Variants in PNPLA7 observed in about 807,000 individuals in gnomAD.
PNPLA7 encodes patatin like domain 7, lysophospholipase, also known as patatin-like phospholipase domain-containing protein 7.
A neutral mutation model predicts 161.7 loss-of-function variants in PNPLA7; 153 were observed. The ratio of observed to expected loss-of-function variants is 0.95; its 90% CI spans 0.83 to 1.08. The LOEUF (loss-of-function observed/expected upper bound fraction) is 1.08, where lower values mean the gene tolerates loss of function less well. Ranked by LOEUF, PNPLA7 falls within the 50% of genes least tolerant of loss-of-function variation. PNPLA7 has a pLI of 0.00. For missense variants in PNPLA7, 1,739 were observed against 1,856.6 expected (o/e 0.94, Z 1.16); for synonymous variants, 809 against 782.1 (o/e 1.03, Z -0.57).
At chr9:137,510,515 A>G (rs1225379588) in intron 12 of PNPLA7, among the ~76,000 whole-genome samples, 1 of 152,176 alleles carries the variant, frequency 6.6e-6, no homozygotes, top group African/African-American at 2.4e-5. Flanking sequence ...TGTCCAGTGG[A>G]CACGTGACTC....
In PNPLA7 at chr9:137,520,540, A is replaced by G. The variant is rs1283789729; in HGVS notation, c.958-497T>C. 6.6e-6 allele frequency among the ~76,000 whole-genome samples: 1 copy of G among 152,260 alleles called. No individual in the cohort carries two copies. The highest frequency in any genetic ancestry group is 1.5e-5 in the Non-Finnish European group (1 of 68,052). ...ATCAGAATTATGATTTCCAACTGAA[A>G]TGCACATACTAAAGACTAATGCGTG... On this transcript the variant is annotated intron_variant, in intron 10 of 34. Transcript: ENST00000406427. This position sits in a 1 kb window ranked among gnomAD's most constrained non-coding sequence, Gnocchi z 5.2.
At chr9:137,505,922 C>G in intron 13 of PNPLA7, 61 bp downstream of exon 13, 1 of 1,550,716 alleles carries the variant, frequency 6.4e-7, no homozygotes, top group Non-Finnish European at 8.8e-7. Flanking sequence ...CCCAATGCAC[C>G]AGCAAGCCAC....
At chr9:137,509,902 T>C (rs576676386) in intron 12 of PNPLA7, 1 of 331,754 alleles carries the variant, frequency 3.0e-6, no homozygotes, top group East Asian at 7.7e-5. Flanking sequence ...CATTAATCAT[T>C]AGTTGGTAGT....
intron 11 of PNPLA7, among the ~76,000 whole-genome samples, chr9:137,518,149 C>A (rs1239280895): frequency 5.1e-5 from 5 of 98,726 alleles, no homozygotes; most frequent in African/African-American, 1.5e-4. Flanking sequence ...ACTCCATCCC[C>A]CACTCACGCA....
rs1831196761 is a variant in PNPLA7, at chr9:137,461,548, C to T, written c.3829G>A (p.Ala1277Thr). 1.2e-6 allele frequency: 2 copies of T among 1,611,728 alleles called. No individual in the cohort carries two copies. Among genetic ancestry groups the T allele is most frequent in the African/African-American group, 1.3e-5 (1 of 75,024 alleles). ...IVSRIEPAKP[A>T]MVDDESDYQT... ...CGCCTCCACTCACCATCCACCATGG[C>T]GGGCTTGGCGGGCTCAATGCGAGAC... The change falls in exon 33 of 35, where the codon GCC (alanine) becomes ACC (threonine). Residue 1277 changes from alanine to threonine, a missense_variant. By Grantham distance (58) the Ala-to-Thr change is moderately conservative. Coordinates refer to ENST00000406427, the MANE Select transcript of PNPLA7 (RefSeq NM_001098537.3).
chr9:137,501,802 G>A (rs1833439621), intron 14 of PNPLA7, 75 bp from the exon 15 acceptor site: 3 of 1,451,730 alleles, frequency 2.1e-6, no homozygotes, highest in African/African-American at 1.4e-5. Flanking sequence ...GGCTGCACTG[G>A]GCTGTTCAGG....
chr9:137,522,680 C>T (rs201530941), intron 9 of PNPLA7, 49 bp downstream of exon 9: 3 of 1,606,688 alleles, frequency 1.9e-6, no homozygotes, highest in Non-Finnish European at 8.5e-7. Context: ...CCAGGCCCCC[C>T]CAGGGTGACC....
At position 137,476,075 on chromosome 9, in the gene PNPLA7, T is replaced by G. The variant is rs1312963093; in HGVS notation, c.2882+1959A>C. Among the ~76,000 whole-genome samples the G allele has an allele frequency of 6.6e-6, 1 of 151,958 alleles. No homozygotes were observed. The highest frequency in any genetic ancestry group is 2.4e-5 in the African/African-American group (1 of 41,358). Reference sequence around the variant, plus strand: ...TTCCAGGGTGGTGGTGAAAGAAAATTCCAGGCCAACATCTCAGCAGCATGT... The same window carrying G: ...TTCCAGGGTGGTGGTGAAAGAAAATGCCAGGCCAACATCTCAGCAGCATGT... On this transcript the variant is annotated intron_variant, in intron 25 of 34. Transcript: ENST00000406427. The surrounding 1 kb of genome is among the most constrained non-coding windows in gnomAD (Gnocchi z 4.5).
chr9:137,504,475 G>T (rs1371485138), intron 14 of PNPLA7, among the ~76,000 whole-genome samples: 1 of 152,160 alleles, frequency 6.6e-6, no homozygotes, highest in Non-Finnish European at 1.5e-5. Flanking sequence ...GCCTCCCAAA[G>T]TGCTAGGATT....
At position 137,501,676 on chromosome 9, in the gene PNPLA7, T is replaced by C. The variant is rs1833430094; in HGVS notation, c.1525A>G (p.Thr509Ala). ...RVALLHVPAG[T>A]VVSRQGDQDA... ...TGGTCTCCCTGCCTTGACACCACCG[T>C]GCCTGCAGGAACGTGCAGAAGCGCC... is the stretch of plus-strand genomic sequence containing the variant. The change falls in exon 15 of 35, where the codon ACG becomes GCG. Residue 509 changes from threonine (T) to alanine (A), a missense_variant. Around this residue, in one of 6 missense-constraint regions of PNPLA7, gnomAD observed 481 missense variants for 450.0 expected, o/e 1.07. Coordinates refer to ENST00000406427, the MANE Select transcript of PNPLA7 (RefSeq NM_001098537.3). 6.2e-7 allele frequency: 1 copy of C among 1,612,426 alleles called. No homozygotes were observed. Among genetic ancestry groups the C allele is most frequent in the Non-Finnish European group, 8.5e-7 (1 of 1,179,812 alleles).
At chr9:137,533,568 C>T (rs1273505666) in intron 8 of PNPLA7, among the ~76,000 whole-genome samples, 1 of 149,678 alleles carries the variant, frequency 6.7e-6, no homozygotes, top group East Asian at 2.0e-4. Context: ...AATGTCCACT[C>T]CAGGCGGGAG....
chr9:137,504,297 C>T (rs1833796954), intron 14 of PNPLA7, among the ~76,000 whole-genome samples: 2 of 152,200 alleles, frequency 1.3e-5, no homozygotes, highest in East Asian at 1.9e-4. Context: ...CTGCAACATC[C>T]GTCTCCCAGG....
intron 8 of PNPLA7, among the ~76,000 whole-genome samples, chr9:137,538,218 C>T (rs115328301): frequency 0.011 from 1,656 of 152,298 alleles, 40 homozygotes; most frequent in African/African-American, 0.038. Context: ...CTCCCCAGGC[C>T]GGCAGCCTCC....
Position 137,540,639 on chromosome 9 carries a change from C to T in PNPLA7, c.747+3G>A. On this transcript the variant is annotated splice_donor_region_variant and intron_variant, in intron 8 of 34. Coordinates refer to ENST00000406427, the MANE Select transcript of PNPLA7 (RefSeq NM_001098537.3). This position sits in a 1 kb window ranked among gnomAD's most constrained non-coding sequence, Gnocchi z 5.1. ...CCGGAGGGCCAGGCAGCGGGGGACTCACGGTGATGATGTCCAGGATGCTGA... is the reference window on the plus strand; with the variant it reads ...CCGGAGGGCCAGGCAGCGGGGGACTTACGGTGATGATGTCCAGGATGCTGA... The T allele has an allele frequency of 2.5e-6, 4 of 1,609,512 alleles. No homozygotes were observed. The highest frequency in any genetic ancestry group is 3.4e-6 in the Non-Finnish European group (4 of 1,178,452).
Position 137,543,312 on chromosome 9 carries a change from C to T in PNPLA7, c.506+120G>A, listed in dbSNP as rs1836312956. On this transcript the variant is annotated intron_variant, in intron 6 of 34. Coordinates refer to ENST00000406427, the MANE Select transcript of PNPLA7 (RefSeq NM_001098537.3). The surrounding 1 kb of genome is among the most constrained non-coding windows in gnomAD (Gnocchi z 6.9). ...CACGGGGCACAGACACCAGCAGCCC[C>T]ACGATGCGCTTTGCCAACCATTCCC... 1 of 1,296,270 alleles carries T rather than the reference C, an allele frequency of 7.7e-7. No homozygotes were observed. Among genetic ancestry groups the T allele is most frequent in the African/African-American group, 1.5e-5 (1 of 67,668 alleles). 80.3% of individuals were successfully genotyped at this position (1,296,270 alleles called of 1,614,324 possible).
In PNPLA7 at chr9:137,495,062, G is replaced by A. The variant is rs1453036672; in HGVS notation, c.2098C>T (p.Leu700Phe). The A allele has an allele frequency of 5.0e-6, 8 of 1,610,448 alleles. No homozygotes were observed. The African/African-American group carries it at 8.0e-5, about 16-fold the overall frequency. Residue 700 changes from leucine to phenylalanine, a missense_variant, in exon 19 of 35, where the codon CTC becomes TTC. Transcript: ENST00000406427. ...SELAKLPAGALTSIKRRYPQV... is the reference protein window; with the variant it reads ...SELAKLPAGAFTSIKRRYPQV... The stretch of plus-strand genomic sequence containing the variant: ...GGGTACCTGCGCTTGATGGACGTGA[G>A]GGCTCCTGCCGGCAGCTTGGCCAAT...
chr9:137,515,648 G>T, intron 11 of PNPLA7, 129 bp from the exon 12 acceptor site: 2 of 1,187,084 alleles, frequency 1.7e-6, no homozygotes, highest in Non-Finnish European at 2.3e-6. Flanking sequence ...CTCTGGACCA[G>T]CCCACCGGCC....
At position 137,501,721 on chromosome 9, in the gene PNPLA7, A is replaced by C; in HGVS notation, c.1480T>G (p.Ser494Ala). The C allele has an allele frequency of 1.9e-6, 3 of 1,612,510 alleles. No homozygotes were observed. The highest frequency in any genetic ancestry group is 1.7e-6 in the Non-Finnish European group (2 of 1,179,800). ...LLTLMKLEDS[S>A]LLDGRVALLH... Reference sequence around the variant, plus strand: ...AGCGCCACCCGGCCATCCAACAGAGATGAGTCCTAAAAACAGAGCAGACTT... The same window carrying C: ...AGCGCCACCCGGCCATCCAACAGAGCTGAGTCCTAAAAACAGAGCAGACTT... The change falls in exon 15 of 35, where the codon TCT becomes GCT. Residue 494 changes from serine to alanine, a missense_variant. This residue lies in a region of PNPLA7 where 481 missense variants were observed against 450.0 expected (regional missense o/e 1.07). Transcript: ENST00000406427.
In PNPLA7 at chr9:137,549,054, C is replaced by T. The variant is rs531174193; in HGVS notation, c.30+1114G>A. ...AAGGAAGGCCTATCACGCGATGGCC[C>T]GTGACCTGGTCACAGGCTCTCCTGC... On this transcript the variant is annotated intron_variant, in intron 1 of 34. Transcript: ENST00000406427. Among the ~76,000 whole-genome samples the T allele has an allele frequency of 1.9e-4, 29 of 152,364 alleles. No homozygotes were observed. In the East Asian group the frequency reaches 3.7e-3, roughly 19 times the overall value.
Sources: allele counts gnomAD v4.1 joint callset (sites outside exome capture counted in the v4.1 genomes callset), GRCh38; gene constraint gnomAD v4.1.1; regional missense constraint gnomAD v4.1.1; non-coding constraint Gnocchi (gnomAD v3.1); transcripts MANE v1.5; gene names NCBI Gene and HGNC (gene_info 2026-07-23, HGNC 2026-07-21).